Variants in IQUB observed in about 807,000 individuals in gnomAD.
The protein encoded by IQUB is IQ motif and ubiquitin-like domain-containing protein.
IQUB carries 86 observed loss-of-function variants against 86.4 expected under a neutral mutation model. The observed-to-expected ratio is 1.00, with a 90% CI of 0.84 to 1.19. IQUB has a LOEUF of 1.19. IQUB is among the 50% of genes most tolerant of loss of function. The pLI is 0.00. For synonymous variants in IQUB, 289 were observed against 304.5 expected, an observed-to-expected ratio of 0.95 and a Z score of 0.53; for missense variants, 946 against 916.9, an observed-to-expected ratio of 1.03 and a Z score of -0.41.
intron 7 of IQUB, among the ~76,000 whole-genome samples, chr7:123,491,939 C>T (rs535489026): frequency 1.3e-4 from 20 of 152,230 alleles, no homozygotes; most frequent in African/African-American, 4.8e-4. Context: ...TCAAGTCTGA[C>T]AATACATAAA....
intron 6 of IQUB, among the ~76,000 whole-genome samples, chr7:123,499,146 T>C (rs1291463439): frequency 6.6e-6 from 1 of 151,994 alleles, no homozygotes; most frequent in Non-Finnish European, 1.5e-5. Flanking sequence ...GAAGTCTCAC[T>C]GTCACCCAGG....
intron 12 of IQUB, 40 bp from the exon 13 acceptor site, chr7:123,452,965 T>A (rs375792884): frequency 2.6e-6 from 4 of 1,520,336 alleles, no homozygotes; most frequent in Non-Finnish European, 3.6e-6. Context: ...ATATCACAGA[T>A]ATATTTTGCC....
intron 1 of IQUB, among the ~76,000 whole-genome samples, chr7:123,514,221 T>C (rs1346875437): frequency 2.0e-5 from 3 of 151,998 alleles, no homozygotes; most frequent in Admixed American, 1.3e-4. Flanking sequence ...TGCAGACTTA[T>C]CAGAAAAATA....
At chr7:123,518,461 T>C (rs370088994) in intron 1 of IQUB, among the ~76,000 whole-genome samples, 2 of 152,190 alleles carry the variant, frequency 1.3e-5, no homozygotes, top group East Asian at 1.9e-4. Context: ...CTACTCACCA[T>C]GGCCTTCAAG....
At chr7:123,496,060 C>T (rs1584605607) in intron 7 of IQUB, among the ~76,000 whole-genome samples, 1 of 152,060 alleles carries the variant, frequency 6.6e-6, no homozygotes, top group South Asian at 2.1e-4. Flanking sequence ...AAGCAGGTGA[C>T]ATTTAACCTG....
At chr7:123,532,886 G>A (rs1340132341) in intron 1 of IQUB, 1 of 152,348 alleles carries the variant, frequency 6.6e-6, no homozygotes, top group Non-Finnish European at 1.5e-5. Flanking sequence ...AGGCCCCCAA[G>A]CTTGGCGCGG....
intron 3 of IQUB, among the ~76,000 whole-genome samples, chr7:123,506,478 G>A (rs1370419026): frequency 4.6e-5 from 7 of 152,166 alleles, no homozygotes; most frequent in Non-Finnish European, 8.8e-5. Flanking sequence ...CAGGAAGCAT[G>A]GTTGGGGAGG....
intron 1 of IQUB, among the ~76,000 whole-genome samples, chr7:123,527,118 G>T (rs941608574): frequency 2.0e-5 from 3 of 152,084 alleles, no homozygotes; most frequent in African/African-American, 7.2e-5. Context: ...GGCTCCTGAG[G>T]CTTCTGCATT....
intron 3 of IQUB, among the ~76,000 whole-genome samples, chr7:123,508,917 G>A (rs1796302535): frequency 6.6e-6 from 1 of 152,126 alleles, no homozygotes; most frequent in South Asian, 2.1e-4. Flanking sequence ...CTAGCACACA[G>A]TATATGGTCA....
chr7:123,481,001 CTT>C (rs1794979452), intron 7 of IQUB, among the ~76,000 whole-genome samples: 1 of 152,048 alleles, frequency 6.6e-6, no homozygotes, highest in Admixed American at 6.6e-5. Flanking sequence ...AAAGAAAACT[CTT>C]TTGTATCCCA....
intron 8 of IQUB, among the ~76,000 whole-genome samples, chr7:123,476,936 G>C (rs1224734845): frequency 6.6e-6 from 1 of 152,104 alleles, no homozygotes; most frequent in Non-Finnish European, 1.5e-5. Context: ...TGAAATAAAA[G>C]AGGACACAAA....
chr7:123,502,763 A>T lies in IQUB; in HGVS notation c.868-11T>A, dbSNP rs551950994. ...TTTCTGAAAAACTGTCTAAAAGAAAACATTAAAAATTTAAATCAGTATCCC... is the reference window on the plus strand; with the variant it reads ...TTTCTGAAAAACTGTCTAAAAGAAATCATTAAAAATTTAAATCAGTATCCC... On this transcript the variant is annotated splice_polypyrimidine_tract_variant and intron_variant, in intron 5 of 12. Transcript: ENST00000324698. 1.3e-6 allele frequency: 2 copies of T among 1,576,760 alleles called. No individual in the cohort carries two copies. Among genetic ancestry groups the T allele is most frequent in the Non-Finnish European group, 1.7e-6 (2 of 1,159,530 alleles).
chr7:123,516,116 C>T lies in IQUB; in HGVS notation c.-4-3772G>A, dbSNP rs547785199. Among the ~76,000 whole-genome samples, 18 of 150,920 alleles carry T rather than the reference C, an allele frequency of 1.2e-4. No homozygotes were observed. In the South Asian group the frequency reaches 3.3e-3, roughly 28 times the overall value. On this transcript the variant is annotated intron_variant, in intron 1 of 12. Coordinates refer to ENST00000324698, the MANE Select transcript of IQUB (RefSeq NM_178827.5). ...ACAAAAAGTAAAAGCAATTAATGCTCCTTTCAGTAGGGGGAAAAAAAGTGT... is the reference window on the plus strand; with the variant it reads ...ACAAAAAGTAAAAGCAATTAATGCTTCTTTCAGTAGGGGGAAAAAAAGTGT...
chr7:123,518,440 T>C (rs1440465306), intron 1 of IQUB, among the ~76,000 whole-genome samples: 1 of 152,154 alleles, frequency 6.6e-6, no homozygotes, highest in Admixed American at 6.5e-5. Flanking sequence ...CTTTCCAGAA[T>C]AAAATCCAAA....
In IQUB at chr7:123,457,392, T is replaced by C. The variant is rs1345771167; in HGVS notation, c.2182A>G (p.Ser728Gly). Residue 728 changes from serine (S) to glycine (G), a missense_variant, in exon 12 of 13, where the codon AGT (serine) becomes GGT (glycine). Physicochemically the swap from Ser to Gly is moderately conservative, Grantham distance 56. Coordinates refer to ENST00000324698, the MANE Select transcript of IQUB (RefSeq NM_178827.5). ...TTCAACTTTCTTACCTCTTCAATAC[T>C]TGTTAGCTTGAGATGAGCAGCTGCT... ...DEAAAHLKLT[S>G]IEEGYERSFI... The C allele has an allele frequency of 3.1e-6, 5 of 1,611,126 alleles. No individual in the cohort carries two copies. The highest frequency in any genetic ancestry group is 4.2e-6 in the Non-Finnish European group (5 of 1,178,660).
Position 123,503,060 on chromosome 7 carries a change from G to T in IQUB, c.751C>A (p.Pro251Thr), listed in dbSNP as rs910288089. ...TTATGTCTGAATCCACCAAGAAATG[G>T]TTTGTGAAAGTCAGATTTGACAATC... ...VEIVKSDFHK[P>T]FLGGFRHKVT... Residue 251 changes from proline (P) to threonine (T), a missense_variant, in exon 5 of 13, where the codon CCA becomes ACA. Transcript: ENST00000324698. The T allele has an allele frequency of 6.2e-7, 1 of 1,613,232 alleles. No individual in the cohort carries two copies.
At chr7:123,458,286 C>T (rs145946469) in intron 11 of IQUB, among the ~76,000 whole-genome samples, 10 of 151,906 alleles carry the variant, frequency 6.6e-5, no homozygotes, top group East Asian at 3.9e-4. Context: ...TTGCCAGAGA[C>T]GGACAAACTC....
At chr7:123,515,179 A>G (rs969118879) in intron 1 of IQUB, among the ~76,000 whole-genome samples, 1 of 152,106 alleles carries the variant, frequency 6.6e-6, no homozygotes, top group Non-Finnish European at 1.5e-5. Flanking sequence ...ACAGAGCTTA[A>G]TGGCCTAATT....
chr7:123,486,546 C>G (rs1036355086), intron 7 of IQUB, among the ~76,000 whole-genome samples: 2 of 151,958 alleles, frequency 1.3e-5, no homozygotes, highest in South Asian at 4.2e-4. Flanking sequence ...TTAATTGGTA[C>G]GTAGTAATTG....
Sources: gnomAD v4.1 joint callset for allele counts (sites outside exome capture counted in the v4.1 genomes callset) on GRCh38, gnomAD v4.1.1 for gene constraint, MANE v1.5 for transcripts, NCBI Gene and HGNC (gene_info 2026-07-23, HGNC 2026-07-21) for gene names.